FAT1: variants seen among roughly 807,000 people sequenced by gnomAD.
FAT1 encodes the protein protocadherin Fat 1.
In FAT1, 171 loss-of-function variants were observed where a neutral mutation model predicts 329.8. The ratio of observed to expected loss-of-function variants is 0.52; its 90% CI spans 0.46 to 0.59. FAT1 has a LOEUF of 0.59. Ranked by LOEUF, FAT1 falls within the 20% of genes least tolerant of loss-of-function variation. The pLI is 0.00. For missense variants in FAT1, 5,672 were observed against 5,774.4 expected, an observed-to-expected ratio of 0.98 and a Z score of 0.57; for synonymous variants, 2,233 against 2,228.6, an observed-to-expected ratio of 1.00 and a Z score of -0.06.
intron 1 of FAT1, among the ~76,000 whole-genome samples, chr4:186,714,914 C>T: frequency 6.6e-6 from 1 of 152,066 alleles, no homozygotes; most frequent in Admixed American, 6.6e-5. Flanking sequence ...CCTGTCTCTA[C>T]TAAAAATACA....
At chr4:186,613,065 G>A (rs1739526883) in intron 13 of FAT1, 44 bp downstream of exon 13, 3 of 1,362,914 alleles carry the variant, frequency 2.2e-6, no homozygotes. Flanking sequence ...AGGCTCCTAG[G>A]ATCTCAGTGA....
At chr4:186,668,389 T>C (rs1305726764) in intron 2 of FAT1, among the ~76,000 whole-genome samples, 1 of 152,110 alleles carries the variant, frequency 6.6e-6, no homozygotes, top group African/African-American at 2.4e-5. Flanking sequence ...GCCTTCGCCA[T>C]CTCAAAATCA....
In FAT1 at chr4:186,628,742, T is replaced by C; in HGVS notation, c.4345A>G (p.Thr1449Ala). ...LTQVFIKVID[T>A]NDHRPQFSTS... ...GAAAACTGAGGACGATGGTCATTTG[T>C]GTCTATTACTTTGATGAATACCTGT... The change falls in exon 8 of 27, where the codon ACA becomes GCA. Residue 1449 changes from threonine to alanine, a missense_variant. This residue lies in a region of FAT1 where 3,966 missense variants were observed against 3,915.2 expected (regional missense o/e 1.01). Transcript: ENST00000441802. The C allele has an allele frequency of 6.2e-7, 1 of 1,613,310 alleles. No individual in the cohort carries two copies. The highest frequency in any genetic ancestry group is 8.5e-7 in the Non-Finnish European group (1 of 1,179,774).
At position 186,617,945 on chromosome 4, in the gene FAT1, C is replaced by CT. The variant is rs1560938058; in HGVS notation, c.8640dup (p.Asp2881ArgfsTer6). ...GCAACCACTTTAATCTGGTAATTGTCTCTCTTTTCATGGTCAAGTTCCTTT... is the reference window on the plus strand; with the variant it reads ...GCAACCACTTTAATCTGGTAATTGTCTTCTCTTTTCATGGTCAAGTTCCTTT... On this transcript the variant is annotated frameshift_variant, in exon 10 of 27. Coordinates refer to ENST00000441802, the MANE Select transcript of FAT1 (RefSeq NM_005245.4). LOFTEE classifies it high-confidence loss of function. The CT allele has an allele frequency of 1.2e-6, 2 of 1,613,992 alleles. No individual in the cohort carries two copies. Among genetic ancestry groups the CT allele is most frequent in the Non-Finnish European group, 1.7e-6 (2 of 1,179,890 alleles).
intron 2 of FAT1, among the ~76,000 whole-genome samples, chr4:186,690,686 C>T (rs1208442367): frequency 6.6e-6 from 1 of 151,008 alleles, no homozygotes; most frequent in African/African-American, 2.4e-5. Flanking sequence ...TGAGACTCTG[C>T]CTCAAAAAAA....
chr4:186,711,080 ATGTG>A (rs1744925932), intron 1 of FAT1, among the ~76,000 whole-genome samples: 1 of 152,230 alleles, frequency 6.6e-6, no homozygotes, highest in African/African-American at 2.4e-5. Context: ...TATTCACAAA[ATGTG>A]AATGCTACCA....
chr4:186,691,299 T>C (rs1015207655), intron 2 of FAT1, among the ~76,000 whole-genome samples: 5 of 152,196 alleles, frequency 3.3e-5, no homozygotes, highest in Non-Finnish European at 7.3e-5. Flanking sequence ...TGCAGATTCA[T>C]CTCTAACACC....
At chr4:186,723,928 C>G (rs1436026979), upstream of FAT1, 4 of 151,126 alleles carry the variant, frequency 2.6e-5, no homozygotes, top group Non-Finnish European at 5.9e-5. Context: ...GGCGCGGAAA[C>G]TCGAGCCCAC....
At chr4:186,644,418 T>G (rs1741261150) in intron 3 of FAT1, among the ~76,000 whole-genome samples, 1 of 152,202 alleles carries the variant, frequency 6.6e-6, no homozygotes, top group Non-Finnish European at 1.5e-5. Context: ...AAACTAGAAA[T>G]TTTTCTTTCC....
At chr4:186,702,525 A>T (rs181783297) in intron 2 of FAT1, among the ~76,000 whole-genome samples, 2 of 152,312 alleles carry the variant, frequency 1.3e-5, no homozygotes, top group Admixed American at 1.3e-4. Context: ...CAATACACAC[A>T]TCAGGGAACA....
In FAT1 at chr4:186,621,077, A is replaced by G. The variant is rs746175643; in HGVS notation, c.5509T>C (p.Tyr1837His). The stretch of plus-strand genomic sequence containing the variant: ...AAGTGAAAAATACTTGTTTCTTCAT[A>G]GTCCAGACTTAGTACTGTATGAATA... ...GAIHTVLSLD[Y>H]EETSIFHFTV... Residue 1837 changes from tyrosine to histidine, a missense_variant, in exon 10 of 27, where the codon TAT (tyrosine) becomes CAT (histidine). Transcript: ENST00000441802. The G allele has an allele frequency of 5.6e-6, 9 of 1,613,440 alleles. No homozygotes were observed. Among genetic ancestry groups the G allele is most frequent in the Admixed American group, 3.3e-5 (2 of 60,008 alleles).
chr4:186,682,489 C>T (rs1258185514), intron 2 of FAT1, among the ~76,000 whole-genome samples: 2 of 134,796 alleles, frequency 1.5e-5, no homozygotes, highest in Non-Finnish European at 3.0e-5. Context: ...ATCACACCAC[C>T]GCACTCCAGC....
At position 186,631,496 on chromosome 4, in the gene FAT1, C is replaced by T. The variant is rs115270818; in HGVS notation, c.4323+2188G>A. Among the ~76,000 whole-genome samples, 434 of 151,278 alleles carry T rather than the reference C, an allele frequency of 2.9e-3. 3 individuals carry two copies. Among genetic ancestry groups the T allele is most frequent in the Non-Finnish European group, 4.6e-3 (314 of 67,866 alleles). ...CCATCCCCATGGTATCGTAGTGTCT[C>T]GCCTCCCAGCTGATTCCTGTGCTCT... On this transcript the variant is annotated intron_variant, in intron 7 of 26. Coordinates refer to ENST00000441802, the MANE Select transcript of FAT1 (RefSeq NM_005245.4).
At chr4:186,616,961 A>T in intron 11 of FAT1, 44 bp downstream of exon 11, 1 of 1,544,734 alleles carries the variant, frequency 6.5e-7, no homozygotes, top group South Asian at 1.2e-5. Flanking sequence ...AGAATTAAGA[A>T]ATTGAAATTC....
chr4:186,621,291 A>G lies in FAT1; in HGVS notation c.5295T>C (p.Phe1765=), dbSNP rs755664273. Residue 1765 remains phenylalanine, a synonymous_variant, in exon 10 of 27, where the codon TTT becomes TTC. Transcript: ENST00000441802. ...LQDENDNAPV[F]MQAEYTGLIS... is the part of the protein sequence containing the mutation. ...TGAGTCCTGTATATTCTGCCTGCAT[A>G]AAAACTGGCGCGTTGTCATTCTCAT... The G allele has an allele frequency of 1.2e-6, 2 of 1,614,052 alleles. No individual in the cohort carries two copies. Among genetic ancestry groups the G allele is most frequent in the South Asian group, 2.2e-5 (2 of 91,090 alleles).
rs1014128607 is a variant in FAT1, at chr4:186,606,186, C to T, written c.10234G>A (p.Ala3412Thr). 1 of 1,612,474 alleles carries T rather than the reference C, an allele frequency of 6.2e-7. No individual in the cohort carries two copies. The highest frequency in any genetic ancestry group is 1.3e-5 in the African/African-American group (1 of 74,522). ...CTGGGTGGACTGCCATTATCAGAAG[C>T]TTGAACCGTGAGCGTGTAACCTGAA... is the stretch of plus-strand genomic sequence containing the variant. ...TISGYTLTVQ[A>T]SDNGSPPRVN... is the part of the protein sequence containing the mutation. Residue 3412 changes from alanine (A) to threonine (T), a missense_variant, in exon 17 of 27, where the codon GCT (alanine) becomes ACT (threonine). Coordinates refer to ENST00000441802, the MANE Select transcript of FAT1 (RefSeq NM_005245.4).
At chr4:186,616,694 C>T (rs562228289) in intron 11 of FAT1, among the ~76,000 whole-genome samples, 1 of 152,278 alleles carries the variant, frequency 6.6e-6, no homozygotes, top group African/African-American at 2.4e-5. Flanking sequence ...TCAGATCCTT[C>T]CCCCAAAACA....
chr4:186,703,568 G>A (rs370308036), intron 2 of FAT1, among the ~76,000 whole-genome samples: 4 of 152,204 alleles, frequency 2.6e-5, no homozygotes, highest in South Asian at 2.1e-4. Context: ...AAACAGTTAC[G>A]TGGACAGGTT....
At chr4:186,599,521 A>G (rs1419102392) in intron 22 of FAT1, among the ~76,000 whole-genome samples, 1 of 152,158 alleles carries the variant, frequency 6.6e-6, no homozygotes, top group African/African-American at 2.4e-5. Context: ...CAGGCCCCCT[A>G]CGCTGAGCCA....
Sources: allele counts gnomAD v4.1 joint callset (sites outside exome capture counted in the v4.1 genomes callset), GRCh38; gene constraint gnomAD v4.1.1; regional missense constraint gnomAD v4.1.1; transcripts MANE v1.5; gene names NCBI Gene and HGNC (gene_info 2026-07-23, HGNC 2026-07-21).